The following TMEM41B variants were observed in gnomAD, a reference collection of about 807,000 sequenced individuals.
TMEM41B encodes protein stasimon.
A neutral mutation model predicts 31.9 loss-of-function variants in TMEM41B; 18 were observed. That is an observed-to-expected ratio of 0.56 (90% CI 0.39 to 0.84). The LOEUF is 0.84. Ranked by LOEUF, TMEM41B falls within the 40% of genes least tolerant of loss-of-function variation. TMEM41B has a pLI of 0.00. For synonymous variants in TMEM41B, 144 were observed against 124.3 expected (o/e 1.16, Z -1.05); for missense variants, 322 against 348.0 (o/e 0.93, Z 0.59).
chr11:9,286,317 T>C (rs1852836227), intron 6 of TMEM41B, 138 bp downstream of exon 6: 2 of 840,908 alleles, frequency 2.4e-6, no homozygotes, highest in Middle Eastern at 2.8e-4. Flanking sequence ...CATCTATTTA[T>C]ACAGCCAGGC....
intron 1 of TMEM41B, among the ~76,000 whole-genome samples, chr11:9,309,108 G>T (rs1046304395): frequency 6.6e-6 from 1 of 152,164 alleles, no homozygotes; most frequent in African/African-American, 2.4e-5. Context: ...TTAGCTGGGC[G>T]TGGTGACGTG....
intron 6 of TMEM41B, among the ~76,000 whole-genome samples, chr11:9,285,024 A>G (rs1403552628): frequency 1.3e-5 from 2 of 152,044 alleles, no homozygotes; most frequent in African/African-American, 4.8e-5. Flanking sequence ...CAAAATTAAA[A>G]ATTCCCCATG....
intron 5 of TMEM41B, among the ~76,000 whole-genome samples, 158 bp downstream of exon 5, chr11:9,287,544 C>G (rs1000898033): frequency 3.3e-5 from 5 of 152,074 alleles, no homozygotes; most frequent in African/African-American, 9.7e-5. Context: ...TGCCTACCAC[C>G]CATTTTTATT....
At chr11:9,307,253 C>T (rs1444048775) in intron 1 of TMEM41B, among the ~76,000 whole-genome samples, 1 of 151,696 alleles carries the variant, frequency 6.6e-6, no homozygotes, top group African/African-American at 2.4e-5. Flanking sequence ...CCACCACGAA[C>T]GAAGGAAAAA....
chr11:9,300,391 T>A (rs1461081895), intron 1 of TMEM41B, among the ~76,000 whole-genome samples: 2 of 152,116 alleles, frequency 1.3e-5, no homozygotes, highest in African/African-American at 2.4e-5. Flanking sequence ...ATGAGGTAAT[T>A]TGGCAATTAC....
intron 6 of TMEM41B, among the ~76,000 whole-genome samples, chr11:9,283,878 G>A (rs915756558): frequency 5.9e-5 from 9 of 151,422 alleles, no homozygotes; most frequent in South Asian, 4.2e-4. Flanking sequence ...TCCGCCTCCC[G>A]GGTTCAAACA....
intron 3 of TMEM41B, among the ~76,000 whole-genome samples, chr11:9,292,100 C>T (rs1852973391): frequency 6.6e-6 from 1 of 152,218 alleles, no homozygotes; most frequent in African/African-American, 2.4e-5. Flanking sequence ...TGATCAGAAT[C>T]TAGAAGTCCA....
chr11:9,294,958 A>T, intron 3 of TMEM41B: 1 of 194,590 alleles, frequency 5.1e-6, no homozygotes, highest in Non-Finnish European at 1.0e-5. Flanking sequence ...TAATGAATAC[A>T]ATTATAAATC....
intron 1 of TMEM41B, among the ~76,000 whole-genome samples, chr11:9,306,673 G>A (rs1047863574): frequency 6.6e-6 from 1 of 150,460 alleles, no homozygotes; most frequent in Non-Finnish European, 1.5e-5. Context: ...GCGATAGAGC[G>A]AGACTCCGTC....
At chr11:9,305,366 C>T (rs1030791273) in intron 1 of TMEM41B, among the ~76,000 whole-genome samples, 7 of 152,004 alleles carry the variant, frequency 4.6e-5, no homozygotes, top group Non-Finnish European at 1.0e-4. Flanking sequence ...TGGAAGGCCA[C>T]GGTGGGCAGA....
intron 5 of TMEM41B, 69 bp from the exon 6 acceptor site, chr11:9,286,662 A>C (rs1288234831): frequency 5.6e-6 from 8 of 1,441,020 alleles, no homozygotes; most frequent in Non-Finnish European, 7.5e-6. Flanking sequence ...TAATATAAAC[A>C]CCTTATTTCA....
chr11:9,310,463 T>C (rs1457153739), intron 1 of TMEM41B, among the ~76,000 whole-genome samples: 1 of 152,090 alleles, frequency 6.6e-6, no homozygotes, highest in African/African-American at 2.4e-5. Context: ...AAAAAAATGC[T>C]TATTATTGAT....
intron 1 of TMEM41B, among the ~76,000 whole-genome samples, chr11:9,300,311 T>C (rs1003596752): frequency 6.6e-6 from 1 of 152,140 alleles, no homozygotes; most frequent in Non-Finnish European, 1.5e-5. Context: ...CTCTAAATTT[T>C]ATCATACTGT....
chr11:9,288,575 A>C, intron 3 of TMEM41B, 40 bp from the exon 4 acceptor site: 1 of 1,379,842 alleles, frequency 7.2e-7, no homozygotes, highest in Non-Finnish European at 9.9e-7. Flanking sequence ...ATAATTAAGT[A>C]GAATTTTAAA....
intron 1 of TMEM41B, among the ~76,000 whole-genome samples, chr11:9,300,059 C>T (rs1383992495): frequency 6.6e-6 from 1 of 152,042 alleles, no homozygotes; most frequent in Non-Finnish European, 1.5e-5. Flanking sequence ...GTAGAGGTTG[C>T]GGTGAGTGGA....
intron 1 of TMEM41B, among the ~76,000 whole-genome samples, chr11:9,312,064 A>C (rs1853573822): frequency 1.3e-5 from 2 of 152,224 alleles, no homozygotes; most frequent in African/African-American, 2.4e-5. Context: ...CACATCCTGA[A>C]CAGGCCAACC....
chr11:9,286,475 A>C lies in TMEM41B; in HGVS notation c.686T>G (p.Phe229Cys). Residue 229 changes from phenylalanine (F) to cysteine (C), a missense_variant, in exon 6 of 7, where the codon TTT becomes TGT. Transcript: ENST00000528080. ...SPVINVPLKV[F>C]FIGTFLGVAP... ...CTTACCTAGAAAAGTACCAATAAAA[A>C]AAACTTTCAATGGCACGTTTATCAC... is the stretch of plus-strand genomic sequence containing the variant. 6.2e-7 allele frequency: 1 copy of C among 1,611,812 alleles called. No individual in the cohort carries two copies. The highest frequency in any genetic ancestry group is 8.5e-7 in the Non-Finnish European group (1 of 1,179,378).
intron 1 of TMEM41B, among the ~76,000 whole-genome samples, chr11:9,307,407 C>A (rs1853426331): frequency 6.6e-6 from 1 of 151,782 alleles, no homozygotes; most frequent in South Asian, 2.1e-4. Flanking sequence ...GTATTAACAT[C>A]AAGTATAAAT....
chr11:9,286,597 T>C lies in TMEM41B; in HGVS notation c.568-4A>G, dbSNP rs368916735. The C allele has an allele frequency of 1.0e-5, 16 of 1,587,582 alleles. No individual in the cohort carries two copies. Among genetic ancestry groups the C allele is most frequent in the Non-Finnish European group, 1.3e-5 (15 of 1,170,388 alleles). The stretch of plus-strand genomic sequence containing the variant: ...GATGTTCTCTATGACGTTCAACCTG[T>C]CATAAGAAAGAAAAGAATTAGCATC... On this transcript the variant is annotated splice_polypyrimidine_tract_variant and splice_region_variant and intron_variant, in intron 5 of 6. Transcript: ENST00000528080.
Sources: gnomAD v4.1 joint callset for allele counts (sites outside exome capture counted in the v4.1 genomes callset) on GRCh38, gnomAD v4.1.1 for gene constraint, MANE v1.5 for transcripts, NCBI Gene and HGNC (gene_info 2026-07-23, HGNC 2026-07-21) for gene names.